FMN2: variants seen among roughly 807,000 people sequenced by gnomAD.
FMN2 encodes the protein formin 2.
A neutral mutation model predicts 142.3 loss-of-function variants in FMN2; 51 were observed. The ratio of observed to expected loss-of-function variants is 0.36; its 90% CI spans 0.29 to 0.45. The LOEUF (loss-of-function observed/expected upper bound fraction) is 0.45. Ranked by LOEUF, FMN2 falls within the 20% of genes least tolerant of loss-of-function variation. The pLI is 1.00. For synonymous variants in FMN2, 882 were observed against 869.8 expected (o/e 1.01, Z -0.25); for missense variants, 1,936 against 2,122.8 (o/e 0.91, Z 1.73).
chr1:240,273,558 G>A (rs1452064826), intron 7 of FMN2, among the ~76,000 whole-genome samples: 1 of 152,092 alleles, frequency 6.6e-6, no homozygotes, highest in African/African-American at 2.4e-5. Flanking sequence ...CTAGTCTACT[G>A]GTTAGAGGCT....
intron 16 of FMN2, among the ~76,000 whole-genome samples, chr1:240,463,502 C>T (rs1676515069): frequency 6.6e-6 from 1 of 152,104 alleles, no homozygotes; most frequent in African/African-American, 2.4e-5. Flanking sequence ...TAAAAGTCTT[C>T]ACCGCAGAAG....
At chr1:240,113,837 C>T (rs913137337) in intron 1 of FMN2, among the ~76,000 whole-genome samples, 1 of 152,140 alleles carries the variant, frequency 6.6e-6, no homozygotes, top group African/African-American at 2.4e-5. Context: ...GCCTTCCCAC[C>T]ACAGCGATTT....
intron 2 of FMN2, chr1:240,144,722 T>G: frequency 2.3e-6 from 3 of 1,314,292 alleles, no homozygotes; most frequent in Non-Finnish European, 3.3e-6. Context: ...ATCAATGTCC[T>G]TCTCCAGCAT....
At chr1:240,355,951 CAAAAAAAAAAAAAAA>C (rs58002724) in intron 14 of FMN2, 43 bp downstream of exon 14, 447 of 252,932 alleles carry the variant, frequency 1.8e-3, no homozygotes, top group Non-Finnish European at 2.2e-3. Context: ...CCCCTTTCAG[CAAAAAAAAAAAAAAA>C]AAAAAAAAAA....
intron 1 of FMN2, among the ~76,000 whole-genome samples, chr1:240,099,261 T>TGG (rs1661327436): frequency 6.6e-6 from 1 of 152,142 alleles, no homozygotes; most frequent in African/African-American, 2.4e-5. Context: ...ATACAAAACT[T>TGG]AGCAGGATAT....
intron 13 of FMN2, among the ~76,000 whole-genome samples, chr1:240,336,198 C>T (rs547976234): frequency 5.9e-5 from 9 of 151,926 alleles, no homozygotes; most frequent in Non-Finnish European, 8.8e-5. Flanking sequence ...AAGCAGCCAG[C>T]GCCTCTGAAT....
chr1:240,182,867 G>A (rs1292066447), intron 3 of FMN2, among the ~76,000 whole-genome samples: 1 of 151,742 alleles, frequency 6.6e-6, no homozygotes, highest in East Asian at 1.9e-4. Context: ...TGGTTCCTAA[G>A]AGAAGAAATT....
At chr1:240,278,185 C>T (rs1348228593) in intron 7 of FMN2, among the ~76,000 whole-genome samples, 1 of 152,120 alleles carries the variant, frequency 6.6e-6, no homozygotes, top group Non-Finnish European at 1.5e-5. Context: ...ATTTGGGGCT[C>T]CTGGCCTCAC....
rs537974651 is a variant in FMN2, at chr1:240,455,009, C to G, written c.5060+16799C>G. On this transcript the variant is annotated intron_variant, in intron 16 of 17. Transcript: ENST00000319653. ...TATTATGAGGAAAGCTTGGCTCCTA[C>G]GTTTAAAAGCTCTCTACTTTATTAT... Among the ~76,000 whole-genome samples, 5 of 150,512 alleles carry G rather than the reference C, an allele frequency of 3.3e-5. No individual in the cohort carries two copies. In the East Asian group the frequency reaches 9.9e-4, roughly 30 times the overall value.
rs777849514 is a variant in FMN2 at position 240,206,966 on chromosome 1, A to G, written c.2154A>G (p.Ser718=). The G allele has an allele frequency of 1.9e-6, 3 of 1,614,188 alleles. No homozygotes were observed. Among genetic ancestry groups the G allele is most frequent in the Non-Finnish European group, 8.5e-7 (1 of 1,180,024 alleles). The change falls in exon 5 of 18, where the codon TCA becomes TCG. Residue 718 remains serine, a synonymous_variant. Coordinates refer to ENST00000319653, the MANE Select transcript of FMN2 (RefSeq NM_020066.5). ...HQGLENGVTA[S]GDVCLEALRL... ...GGCTTGAGAATGGAGTGACAGCCTCAGGCGATGTCTGTCTCGAAGCTCTCA... is the reference window on the plus strand; with the variant it reads ...GGCTTGAGAATGGAGTGACAGCCTCGGGCGATGTCTGTCTCGAAGCTCTCA...
intron 8 of FMN2, among the ~76,000 whole-genome samples, chr1:240,297,616 A>G (rs1670038495): frequency 2.1e-5 from 3 of 143,230 alleles, no homozygotes; most frequent in East Asian, 2.0e-4. Flanking sequence ...AAAAAAAAAA[A>G]GAATATTTTA....
At chr1:240,101,815 G>A (rs1006130037) in intron 1 of FMN2, among the ~76,000 whole-genome samples, 4 of 151,580 alleles carry the variant, frequency 2.6e-5, no homozygotes, top group Admixed American at 2.0e-4. Context: ...ATGTATGATG[G>A]TTGATCGTGT....
chr1:240,151,799 C>A (rs1272919169), intron 2 of FMN2, among the ~76,000 whole-genome samples: 1 of 152,042 alleles, frequency 6.6e-6, no homozygotes, highest in Non-Finnish European at 1.5e-5. Flanking sequence ...TAGGGTCTTG[C>A]TCTGTTGTCC....
intron 16 of FMN2, among the ~76,000 whole-genome samples, chr1:240,463,960 G>GCTA (rs932943034): frequency 8.6e-5 from 13 of 151,996 alleles, no homozygotes; most frequent in Admixed American, 1.3e-4. Flanking sequence ...CTGAGATCAT[G>GCTA]CTACTGTACT....
intron 7 of FMN2, among the ~76,000 whole-genome samples, chr1:240,279,211 A>G (rs1409954975): frequency 1.3e-5 from 2 of 152,134 alleles, no homozygotes; most frequent in African/African-American, 4.8e-5. Context: ...ACATATTACG[A>G]GCGATTGAAG....
intron 16 of FMN2, among the ~76,000 whole-genome samples, chr1:240,460,754 ATT>A (rs1217893298): frequency 1.6e-4 from 25 of 152,230 alleles, no homozygotes; most frequent in Non-Finnish European, 2.9e-4. Context: ...AAAATCACGT[ATT>A]TATTAAACAA....
chr1:240,444,976 A>G (rs1471625967), intron 16 of FMN2, among the ~76,000 whole-genome samples: 1 of 152,182 alleles, frequency 6.6e-6, no homozygotes, highest in Non-Finnish European at 1.5e-5. Context: ...TTGCATGATA[A>G]ATGAATTTGG....
intron 16 of FMN2, among the ~76,000 whole-genome samples, chr1:240,463,972 C>G (rs1676529051): frequency 6.6e-6 from 1 of 151,846 alleles, no homozygotes; most frequent in African/African-American, 2.4e-5. Flanking sequence ...TACTGTACTC[C>G]AGTCTGGGTG....
chr1:240,297,688 G>T (rs1670041309), intron 8 of FMN2, among the ~76,000 whole-genome samples: 1 of 151,760 alleles, frequency 6.6e-6, no homozygotes, highest in Admixed American at 6.6e-5. Context: ...TATGACTCAG[G>T]ACAAACTGGA....
Sources: gnomAD v4.1 joint callset for allele counts (sites outside exome capture counted in the v4.1 genomes callset) on GRCh38, gnomAD v4.1.1 for gene constraint, MANE v1.5 for transcripts, NCBI Gene and HGNC (gene_info 2026-07-23, HGNC 2026-07-21) for gene names.